The following SHROOM3 variants were observed in gnomAD, a reference collection of about 807,000 sequenced individuals.
SHROOM3 encodes protein Shroom3.
A neutral mutation model predicts 138.6 loss-of-function variants in SHROOM3; 47 were observed. The observed-to-expected ratio is 0.34, with a 90% CI of 0.27 to 0.43. The LOEUF is 0.43. Among genes scored for constraint, SHROOM3 ranks in the 20% least tolerant of loss-of-function variants. The probability of loss-of-function intolerance (pLI) is 1.00; values close to 1 mark genes in which losing one functional copy is unlikely to be tolerated. For missense variants in SHROOM3, 2,491 were observed against 2,596.5 expected (o/e 0.96, Z 0.88); for synonymous variants, 1,062 against 1,063.3 (o/e 1.00, Z 0.02).
intron 1 of SHROOM3, among the ~76,000 whole-genome samples, chr4:76,538,629 T>C (rs976176005): frequency 3.3e-5 from 5 of 152,224 alleles, no homozygotes; most frequent in African/African-American, 4.8e-5. Flanking sequence ...AAAAATGTTC[T>C]GAAATTTGAA....
intron 10 of SHROOM3, among the ~76,000 whole-genome samples, chr4:76,773,373 G>GAA (rs574066208): frequency 5.5e-4 from 44 of 80,644 alleles, no homozygotes; most frequent in African/African-American, 1.3e-3. Context: ...GACTGTCTCA[G>GAA]AAAAAAAAAA....
At chr4:76,723,167 T>A (rs921671847) in intron 3 of SHROOM3, among the ~76,000 whole-genome samples, 2 of 152,178 alleles carry the variant, frequency 1.3e-5, no homozygotes, top group Admixed American at 6.5e-5. Flanking sequence ...TTCAAGGTCA[T>A]CTGAAGTCCC....
intron 1 of SHROOM3, among the ~76,000 whole-genome samples, chr4:76,526,543 C>T (rs1732694233): frequency 6.6e-6 from 1 of 152,090 alleles, no homozygotes. Flanking sequence ...CATTAATTTG[C>T]AGGCATAGGA....
chr4:76,688,189 G>A (rs570258080), intron 2 of SHROOM3, among the ~76,000 whole-genome samples: 15 of 152,336 alleles, frequency 9.8e-5, no homozygotes, highest in South Asian at 2.1e-4. Context: ...TGACAGCTGT[G>A]TATGTGTTGA....
At chr4:76,749,194 CA>C in intron 6 of SHROOM3, 104 bp downstream of exon 6, 1 of 1,122,100 alleles carries the variant, frequency 8.9e-7, no homozygotes, top group Non-Finnish European at 1.3e-6. Context: ...CATATAGTGT[CA>C]CATGCTTTTT....
chr4:76,494,932 A>G (rs921567176), intron 1 of SHROOM3, among the ~76,000 whole-genome samples: 1 of 152,176 alleles, frequency 6.6e-6, no homozygotes, highest in African/African-American at 2.4e-5. Flanking sequence ...ACAAACAAAC[A>G]AACTCTTAAC....
At chr4:76,535,454 A>C (rs1160238054) in intron 1 of SHROOM3, among the ~76,000 whole-genome samples, 1 of 152,218 alleles carries the variant, frequency 6.6e-6, no homozygotes, top group Non-Finnish European at 1.5e-5. Flanking sequence ...AAAATTTATT[A>C]ACTTTAGACT....
At chr4:76,517,501 C>G (rs534855689) in intron 1 of SHROOM3, among the ~76,000 whole-genome samples, 1 of 152,188 alleles carries the variant, frequency 6.6e-6, no homozygotes, top group South Asian at 2.1e-4. Context: ...GCTTGGTTAA[C>G]TTGTAGTTTT....
chr4:76,777,981 T>C (rs1176573071), intron 10 of SHROOM3, among the ~76,000 whole-genome samples: 3 of 152,162 alleles, frequency 2.0e-5, no homozygotes, highest in Admixed American at 6.5e-5. Flanking sequence ...ATGGGAAATA[T>C]GATCTCATTG....
At chr4:76,611,320 AT>A (rs11353300) in intron 2 of SHROOM3, among the ~76,000 whole-genome samples, 101,899 of 149,210 alleles carry the variant, frequency 0.68, 35,105 homozygotes, top group East Asian at 0.94. Context: ...AGTGTGAAGG[AT>A]TTTTTTTTTT....
intron 5 of SHROOM3, 147 bp from the exon 6 acceptor site, chr4:76,748,870 T>G: frequency 6.6e-6 from 4 of 608,730 alleles, no homozygotes; most frequent in East Asian, 6.8e-5. Context: ...ATCGATGCCA[T>G]GGGATTATGT....
chr4:76,579,901 A>T (rs1734015376), intron 2 of SHROOM3, among the ~76,000 whole-genome samples: 1 of 152,220 alleles, frequency 6.6e-6, no homozygotes, highest in African/African-American at 2.4e-5. Flanking sequence ...TGATCTCTCC[A>T]GTCCACGGCA....
At chr4:76,734,308 G>T (rs1354464283) in intron 4 of SHROOM3, among the ~76,000 whole-genome samples, 1 of 151,924 alleles carries the variant, frequency 6.6e-6, no homozygotes, top group African/African-American at 2.4e-5. Flanking sequence ...TTCTCTTTTA[G>T]AACAACACAT....
At chr4:76,667,609 C>T (rs1718731360) in intron 2 of SHROOM3, among the ~76,000 whole-genome samples, 1 of 152,056 alleles carries the variant, frequency 6.6e-6, no homozygotes, top group Non-Finnish European at 1.5e-5. Context: ...CCATCATGCC[C>T]AGCCTGTTAT....
At chr4:76,543,417 A>G (rs80277476) in intron 1 of SHROOM3, among the ~76,000 whole-genome samples, 1,536 of 152,322 alleles carry the variant, frequency 0.01, 30 homozygotes, top group African/African-American at 0.034. Context: ...AAAGCTGCAC[A>G]TGGATTTGAC....
At chr4:76,504,876 C>A (rs1282350350) in intron 1 of SHROOM3, among the ~76,000 whole-genome samples, 1 of 152,218 alleles carries the variant, frequency 6.6e-6, no homozygotes, top group Non-Finnish European at 1.5e-5. Flanking sequence ...AAGACTCTAA[C>A]TGGCAATGGG....
At chr4:76,712,783 T>C (rs917450126) in intron 3 of SHROOM3, among the ~76,000 whole-genome samples, 1 of 152,222 alleles carries the variant, frequency 6.6e-6, no homozygotes, top group African/African-American at 2.4e-5. Flanking sequence ...TTCTGAGCAA[T>C]GTGTCATTAA....
chr4:76,641,779 G>A (rs1050172522), intron 2 of SHROOM3, among the ~76,000 whole-genome samples: 14 of 152,078 alleles, frequency 9.2e-5, no homozygotes, highest in African/African-American at 3.4e-4. Flanking sequence ...TCAATGCATT[G>A]GCCTCAAACC....
intron 3 of SHROOM3, among the ~76,000 whole-genome samples, chr4:76,721,037 C>G (rs902290820): frequency 6.6e-6 from 1 of 151,984 alleles, no homozygotes; most frequent in African/African-American, 2.4e-5. Flanking sequence ...TTTGAGCCAG[C>G]AACTCCACTT....
Sources: allele counts gnomAD v4.1 joint callset (sites outside exome capture counted in the v4.1 genomes callset), GRCh38; gene constraint gnomAD v4.1.1; transcripts MANE v1.5; gene names NCBI Gene and HGNC (gene_info 2026-07-23, HGNC 2026-07-21).